CPNE7: variants seen among roughly 807,000 people sequenced by gnomAD.
CPNE7 encodes copine 7.
A neutral mutation model predicts 66.5 loss-of-function variants in CPNE7; 78 were observed. The ratio of observed to expected loss-of-function variants is 1.17; its 90% CI spans 0.98 to 1.42. CPNE7 has a LOEUF of 1.42. CPNE7 is among the 40% of genes most tolerant of loss of function. The probability of loss-of-function intolerance (pLI) is 0.00; values close to 1 mark genes in which losing one functional copy is unlikely to be tolerated. For synonymous variants in CPNE7, 468 were observed against 336.7 expected, an observed-to-expected ratio of 1.39 and a Z score of -4.27; for missense variants, 1,012 against 776.6, an observed-to-expected ratio of 1.30 and a Z score of -3.60.
intron 10 of CPNE7, 65 bp downstream of exon 10, chr16:89,588,873 G>A (rs551780611): frequency 5.1e-4 from 810 of 1,587,804 alleles, no homozygotes; most frequent in African/African-American, 3.1e-3. Flanking sequence ...GCGCCTGGCC[G>A]TCTTCCCCCT....
At chr16:89,595,868 C>T (rs1185298553) in intron 14 of CPNE7, 8 of 620,168 alleles carry the variant, frequency 1.3e-5, no homozygotes, top group East Asian at 9.9e-5. Context: ...ATCCACCACG[C>T]GGCTTCCCCC....
chr16:89,585,107 T>A (rs2059014562), intron 5 of CPNE7, among the ~76,000 whole-genome samples: 1 of 152,214 alleles, frequency 6.6e-6, no homozygotes, highest in African/African-American at 2.4e-5. Context: ...ACCTTCCACT[T>A]CCTGCAGGTG....
chr16:89,596,642 G>C lies in CPNE7; in HGVS notation c.*21G>C, dbSNP rs773990694. ...CGTGAAGATGTGGAGGGCGTAGGGT[G>C]GGGGCAGTGAGGAATGGGTCCGTAC... On this transcript the variant is annotated 3_prime_UTR_variant, in exon 15 of 15. Transcript: ENST00000319518. The C allele has an allele frequency of 6.3e-7, 1 of 1,577,494 alleles. No homozygotes were observed. Among genetic ancestry groups the C allele is most frequent in the East Asian group, 2.3e-5 (1 of 44,150 alleles).
At chr16:89,596,031 CAT>C (rs1365270825) in intron 14 of CPNE7, 20 of 467,370 alleles carry the variant, frequency 4.3e-5, no homozygotes, top group African/African-American at 3.5e-4. Flanking sequence ...ACATGTCACA[CAT>C]GAGGCCCTAC....
At position 89,584,258 on chromosome 16, in the gene CPNE7, C is replaced by T. The variant is rs142995402; in HGVS notation, c.507+156C>T. ...CTGGGCGTGCTGCCGTCACGGTCGC[C>T]ATCATCACTGTCACCGCCATTAGCT... On this transcript the variant is annotated intron_variant, in intron 4 of 14. Transcript: ENST00000319518. This position sits in a 1 kb window ranked among gnomAD's most constrained non-coding sequence, Gnocchi z 6.0. 2.8e-3 allele frequency among the ~76,000 whole-genome samples: 419 copies of T among 152,332 alleles called. 5 individuals are homozygous for T. The highest frequency in any genetic ancestry group is 9.5e-3 in the African/African-American group (395 of 41,586).
chr16:89,592,882 G>A (rs369345952), intron 13 of CPNE7, among the ~76,000 whole-genome samples: 2 of 131,256 alleles, frequency 1.5e-5, no homozygotes, highest in South Asian at 2.4e-4. Flanking sequence ...ACGTGATCTC[G>A]GCTCACTGCA....
At chr16:89,594,242 C>T (rs2059217917) in intron 13 of CPNE7, 1 of 152,144 alleles carries the variant, frequency 6.6e-6, no homozygotes, top group African/African-American at 2.4e-5. Context: ...GGGGGGCTTT[C>T]TGAGGCTGGG....
chr16:89,595,240 T>C, intron 13 of CPNE7, 127 bp from the exon 14 acceptor site: 1 of 719,060 alleles, frequency 1.4e-6, no homozygotes, highest in South Asian at 1.8e-5. Context: ...GGCATCACAC[T>C]CTGAAGGCGG....
intron 8 of CPNE7, 33 bp from the exon 9 acceptor site, chr16:89,587,010 G>T: frequency 6.4e-7 from 1 of 1,564,568 alleles, no homozygotes. Context: ...AGTGTCCCTG[G>T]CGGGGGTGGA....
Position 89,584,954 on chromosome 16 carries a change from G to C in CPNE7, c.591+97G>C. ...TGGGAGGAGCTCCCAGCCTCCAACA[G>C]GGAGCTGTGGGCGCAGGGCTTTGGT... On this transcript the variant is annotated intron_variant, in intron 5 of 14. Transcript: ENST00000319518. The surrounding 1 kb of genome is among the most constrained non-coding windows in gnomAD (Gnocchi z 6.0). 9.2e-7 allele frequency: 1 copy of C among 1,091,152 alleles called. No homozygotes were observed. Among genetic ancestry groups the C allele is most frequent in the Non-Finnish European group, 1.4e-6 (1 of 729,612 alleles). 67.6% of individuals were successfully genotyped at this position (1,091,152 alleles called of 1,614,324 possible). A position where few individuals can be genotyped will look rare whatever the true frequency, so the allele number is the denominator to read the frequency against.
intron 9 of CPNE7, among the ~76,000 whole-genome samples, chr16:89,588,284 G>A (rs578124216): frequency 2.6e-4 from 40 of 152,186 alleles, no homozygotes; most frequent in East Asian, 5.8e-4. Context: ...TTTGTTGAAC[G>A]AGCCCCAGAA....
chr16:89,592,376 C>T (rs989184515), intron 13 of CPNE7, among the ~76,000 whole-genome samples: 1 of 151,434 alleles, frequency 6.6e-6, no homozygotes, highest in Non-Finnish European at 1.5e-5. Context: ...CCCGTGAGGC[C>T]AACAGCTGCT....
intron 2 of CPNE7, chr16:89,578,889 G>C (rs771806328): frequency 6.2e-7 from 1 of 1,613,406 alleles, no homozygotes; most frequent in Non-Finnish European, 8.5e-7. Context: ...AAGTCGTGAT[G>C]AGAGTGTCTG....
Position 89,584,881 on chromosome 16 carries a change from C to G in CPNE7, c.591+24C>G. The G allele has an allele frequency of 1.2e-6, 2 of 1,602,354 alleles. No individual in the cohort carries two copies. Among genetic ancestry groups the G allele is most frequent in the African/African-American group, 2.7e-5 (2 of 74,834 alleles). On this transcript the variant is annotated intron_variant, in intron 5 of 14. Coordinates refer to ENST00000319518, the MANE Select transcript of CPNE7 (RefSeq NM_153636.3). This position sits in a 1 kb window ranked among gnomAD's most constrained non-coding sequence, Gnocchi z 6.0. Reference sequence around the variant, plus strand: ...AGGTGAGCGGCCGGGGATGGGAACACAGGGAGGGGAAGGGGCTGTCCCCAG... The same window carrying G: ...AGGTGAGCGGCCGGGGATGGGAACAGAGGGAGGGGAAGGGGCTGTCCCCAG...
In CPNE7 at chr16:89,591,267, G is replaced by T; in HGVS notation, c.1302+7G>T. On this transcript the variant is annotated splice_region_variant and intron_variant, in intron 13 of 14. Coordinates refer to ENST00000319518, the MANE Select transcript of CPNE7 (RefSeq NM_153636.3). Reference sequence around the variant, plus strand: ...GAGCACCGGGAAAGCCTCTGTAGGTGCCCGGGGGGTGTGGTGCATGCTTGG... The same window carrying T: ...GAGCACCGGGAAAGCCTCTGTAGGTTCCCGGGGGGTGTGGTGCATGCTTGG... 1 of 1,565,512 alleles carries T rather than the reference G, an allele frequency of 6.4e-7. No homozygotes were observed.
At position 89,596,472 on chromosome 16, in the gene CPNE7, C is replaced by T. The variant is rs188511549; in HGVS notation, c.1540-12C>T. ...AAGGTCCCAGAGGTAACTGCGTTGT[C>T]CCATCCTCCAGGCATCCCCTGCGGC... On this transcript the variant is annotated splice_polypyrimidine_tract_variant and intron_variant, in intron 14 of 14. Coordinates refer to ENST00000319518, the MANE Select transcript of CPNE7 (RefSeq NM_153636.3). 3 of 1,602,098 alleles carry T rather than the reference C, an allele frequency of 1.9e-6. No homozygotes were observed. The highest frequency in any genetic ancestry group is 2.5e-6 in the Non-Finnish European group (3 of 1,176,792).
Position 89,584,202 on chromosome 16 carries a change from C to G in CPNE7, c.507+100C>G. The G allele has an allele frequency of 8.6e-7, 1 of 1,167,928 alleles. No homozygotes were observed. Among genetic ancestry groups the G allele is most frequent in the Non-Finnish European group, 1.2e-6 (1 of 824,808 alleles). 72.3% of individuals were successfully genotyped at this position (1,167,928 alleles called of 1,614,324 possible). On this transcript the variant is annotated intron_variant, in intron 4 of 14. Transcript: ENST00000319518. This position sits in a 1 kb window ranked among gnomAD's most constrained non-coding sequence, Gnocchi z 6.0. Reference sequence around the variant, plus strand: ...GCGCTGACCTCGCGTGGCTATGTCCCGTGTGAGACGTGTGCGGAGTGTGCC... The same window carrying G: ...GCGCTGACCTCGCGTGGCTATGTCCGGTGTGAGACGTGTGCGGAGTGTGCC...
At chr16:89,578,067 C>CTT (rs11340227) in intron 2 of CPNE7, among the ~76,000 whole-genome samples, 19 of 113,568 alleles carry the variant, frequency 1.7e-4, no homozygotes, top group African/African-American at 5.5e-4. Context: ...TTTTCTTTTT[C>CTT]TTTTTTTTTT....
intron 9 of CPNE7, 22 bp downstream of exon 9, chr16:89,587,124 ATGCCGCCCCCTCAGTCCGT>A (rs2059057068): frequency 9.7e-7 from 1 of 1,032,652 alleles, no homozygotes; most frequent in African/African-American, 3.5e-5. Context: ...GCCCCGCCCC[ATGCCGCCCCCTCAGTCCGT>A]GGCCCCGCCC....
Sources: allele counts gnomAD v4.1 joint callset (sites outside exome capture counted in the v4.1 genomes callset), GRCh38; gene constraint gnomAD v4.1.1; non-coding constraint Gnocchi (gnomAD v3.1); transcripts MANE v1.5; gene names NCBI Gene and HGNC (gene_info 2026-07-23, HGNC 2026-07-21).